The following FAT3 variants were observed in gnomAD, a reference collection of about 807,000 sequenced individuals.
FAT3 encodes the protein protocadherin Fat 3.
In FAT3, 95 loss-of-function variants were observed where a neutral mutation model predicts 310.2. That is an observed-to-expected ratio of 0.31 (90% CI 0.26 to 0.36). The LOEUF (loss-of-function observed/expected upper bound fraction) is 0.36, where lower values mean the gene tolerates loss of function less well. Among genes scored for constraint, FAT3 ranks in the 10% least tolerant of loss-of-function variants. The pLI, the probability that FAT3 is intolerant of heterozygous loss-of-function variation, is 1.00. For synonymous variants in FAT3, 2,314 were observed against 2,192.9 expected (o/e 1.06, Z -1.54); for missense variants, 5,408 against 5,715.6 (o/e 0.95, Z 1.74).
At chr11:92,842,299 G>GCA (rs1948573490) in intron 18 of FAT3, among the ~76,000 whole-genome samples, 1 of 152,178 alleles carries the variant, frequency 6.6e-6, no homozygotes, top group Non-Finnish European at 1.5e-5. Flanking sequence ...CTTTTGACAG[G>GCA]CAGCACTCTC....
At position 92,260,074 on chromosome 11, in the gene FAT3, A is replaced by G. The variant is rs938507366; in HGVS notation, c.-18+34900A>G. Among the ~76,000 whole-genome samples, 3 of 152,184 alleles carry G rather than the reference A, an allele frequency of 2.0e-5. No homozygotes were observed. In the East Asian group the frequency reaches 5.8e-4, roughly 29 times the overall value. ...GAAGAGCTTTGTACAGCTGTCATGTAGAATTCTAAGCACCCATTTGATAAA... is the reference window on the plus strand; with the variant it reads ...GAAGAGCTTTGTACAGCTGTCATGTGGAATTCTAAGCACCCATTTGATAAA... On this transcript the variant is annotated intron_variant, in intron 1 of 27. Transcript: ENST00000525166.
chr11:92,745,600 G>C (rs960327959), intron 4 of FAT3, among the ~76,000 whole-genome samples: 113 of 119,664 alleles, frequency 9.4e-4, no homozygotes, highest in South Asian at 5.4e-3. Context: ...AAAAAAAAAA[G>C]CTTTAAGAGA....
At position 92,835,065 on chromosome 11, in the gene FAT3, T is replaced by A; in HGVS notation, c.10067T>A (p.Val3356Glu). 1 of 1,612,592 alleles carries A rather than the reference T, an allele frequency of 6.2e-7. No homozygotes were observed. The highest frequency in any genetic ancestry group is 1.1e-5 in the South Asian group (1 of 90,710). ...YSAVISEDAL[V>E]GDSVILLIAE... ...GCGGTTATCAGTGAAGACGCCTTGG[T>A]GGGAGACTCTGTCATTTTGGTAGGT... is the stretch of plus-strand genomic sequence containing the variant. Residue 3356 changes from valine (V) to glutamate (E), a missense_variant, in exon 15 of 28, where the codon GTG becomes GAG. By Grantham distance (121) the Val-to-Glu change is moderately radical. Around this residue, in one of 5 missense-constraint regions of FAT3, gnomAD observed 4,588 missense variants for 4,809.8 expected, o/e 0.95. Transcript: ENST00000525166.
chr11:92,721,492 A>G (rs1318140907), intron 4 of FAT3, among the ~76,000 whole-genome samples: 1 of 152,242 alleles, frequency 6.6e-6, no homozygotes, highest in Non-Finnish European at 1.5e-5. Flanking sequence ...ATTAATTTAC[A>G]TACACTTACA....
At chr11:92,282,539 C>T (rs1297101693) in intron 1 of FAT3, among the ~76,000 whole-genome samples, 2 of 151,930 alleles carry the variant, frequency 1.3e-5, no homozygotes, top group Non-Finnish European at 2.9e-5. Flanking sequence ...GTGGAGCATG[C>T]CTGTAATCCC....
chr11:92,591,825 C>T (rs1424426576), intron 3 of FAT3, among the ~76,000 whole-genome samples: 1 of 152,064 alleles, frequency 6.6e-6, no homozygotes, highest in Non-Finnish European at 1.5e-5. Context: ...CATTTTCTAT[C>T]TTTATTTCTT....
Position 92,891,081 on chromosome 11 carries a change from T to G in FAT3, c.13738T>G (p.Phe4580Val), listed in dbSNP as rs1198448489. ...CAGCCTCGCCAGCCTTCACATTCCC[T>G]TTGTGGAGACTCAGCATCAGACTCA... ...ELSLASLHIP[F>V]VETQHQTQV Residue 4580 changes from phenylalanine to valine, a missense_variant, in exon 28 of 28, where the codon TTT (phenylalanine) becomes GTT (valine). This residue lies in a region of FAT3 where 649 missense variants were observed against 666.2 expected (regional missense o/e 0.97). Coordinates refer to ENST00000525166, the MANE Select transcript of FAT3 (RefSeq NM_001367949.2). 6.2e-7 allele frequency: 1 copy of G among 1,613,752 alleles called. No individual in the cohort carries two copies. Among genetic ancestry groups the G allele is most frequent in the East Asian group, 2.2e-5 (1 of 44,870 alleles).
intron 1 of FAT3, among the ~76,000 whole-genome samples, chr11:92,274,800 A>T (rs1946220821): frequency 1.3e-5 from 2 of 152,014 alleles, no homozygotes; most frequent in Non-Finnish European, 2.9e-5. Flanking sequence ...TGAACTCTTG[A>T]CCTTCTCTAT....
chr11:92,717,874 TATG>T (rs1377129977), intron 4 of FAT3, among the ~76,000 whole-genome samples: 1 of 152,154 alleles, frequency 6.6e-6, no homozygotes, highest in Non-Finnish European at 1.5e-5. Context: ...TGATCTTTAT[TATG>T]ATATTTTTAC....
chr11:92,720,186 C>A (rs909589742), intron 4 of FAT3, among the ~76,000 whole-genome samples: 6 of 152,142 alleles, frequency 3.9e-5, no homozygotes, highest in Non-Finnish European at 1.5e-5. Context: ...TGATTTTCAT[C>A]TATATTTTCT....
intron 1 of FAT3, among the ~76,000 whole-genome samples, chr11:92,302,022 T>C (rs1947010941): frequency 6.6e-6 from 1 of 152,092 alleles, no homozygotes; most frequent in Non-Finnish European, 1.5e-5. Context: ...TGAAAATGTG[T>C]ATGCATACAT....
intron 1 of FAT3, among the ~76,000 whole-genome samples, chr11:92,349,507 G>T (rs140760622): frequency 2.0e-5 from 3 of 152,162 alleles, no homozygotes; most frequent in African/African-American, 7.2e-5. Flanking sequence ...TGTGGGCTTC[G>T]CCACTCTGCT....
At chr11:92,315,500 TATATATATATATAGAGAGAGAGAG>T (rs1947424585) in intron 1 of FAT3, among the ~76,000 whole-genome samples, 1 of 92,264 alleles carries the variant, frequency 1.1e-5, no homozygotes, top group African/African-American at 4.0e-5. Flanking sequence ...TATATATATA[TATATATATATATAGAGAGAGAGAG>T]AGAGAGAGAG....
At chr11:92,718,421 G>A (rs977109526) in intron 4 of FAT3, among the ~76,000 whole-genome samples, 8 of 152,024 alleles carry the variant, frequency 5.3e-5, no homozygotes, top group African/African-American at 1.9e-4. Context: ...GGGTCCACGT[G>A]GTTTGACCTT....
chr11:92,264,076 A>T (rs1945864832), intron 1 of FAT3, among the ~76,000 whole-genome samples: 4 of 152,076 alleles, frequency 2.6e-5, no homozygotes, highest in Admixed American at 2.0e-4. Flanking sequence ...ATCACTGCCA[A>T]CCCCATCGTC....
At chr11:92,773,923 C>A in intron 6 of FAT3, 118 bp from the exon 7 acceptor site, 1 of 989,980 alleles carries the variant, frequency 1.0e-6, no homozygotes, top group Non-Finnish European at 1.5e-6. Context: ...CAAAATTGAG[C>A]CATAGGGATG....
intron 1 of FAT3, among the ~76,000 whole-genome samples, chr11:92,303,430 G>A (rs1489272987): frequency 6.6e-6 from 1 of 151,984 alleles, no homozygotes; most frequent in Non-Finnish European, 1.5e-5. Context: ...AATTTTAGAA[G>A]GTTCAGATCA....
chr11:92,486,134 T>TTTTTTTG (rs1952385610), intron 2 of FAT3, among the ~76,000 whole-genome samples: 2 of 118,904 alleles, frequency 1.7e-5, no homozygotes, highest in African/African-American at 3.6e-5. Context: ...GCTGGGGTTT[T>TTTTTTTG]TTTTTTTTTT....
chr11:92,528,371 T>C (rs1953946284), intron 3 of FAT3, among the ~76,000 whole-genome samples: 1 of 152,188 alleles, frequency 6.6e-6, no homozygotes, highest in African/African-American at 2.4e-5. Flanking sequence ...CAGGCCGGTG[T>C]TCACTTGCCT....
Sources: gnomAD v4.1 joint callset for allele counts (sites outside exome capture counted in the v4.1 genomes callset) on GRCh38, gnomAD v4.1.1 for gene constraint, gnomAD v4.1.1 regional missense constraint, MANE v1.5 for transcripts, NCBI Gene and HGNC (gene_info 2026-07-23, HGNC 2026-07-21) for gene names.